The following FARSB variants were observed in gnomAD, a reference collection of about 807,000 sequenced individuals.
FARSB encodes phenylalanine--tRNA ligase beta subunit.
FARSB carries 40 observed loss-of-function variants against 69.6 expected under a neutral mutation model. That is an observed-to-expected ratio of 0.57 (90% confidence interval 0.45 to 0.75). The LOEUF (loss-of-function observed/expected upper bound fraction) is 0.75. Ranked by LOEUF, FARSB falls within the 30% of genes least tolerant of loss-of-function variation. The pLI is 0.00. For missense variants in FARSB, 632 were observed against 722.9 expected (o/e 0.87, Z 1.44); for synonymous variants, 235 against 247.2 (o/e 0.95, Z 0.46).
intron 2 of FARSB, among the ~76,000 whole-genome samples, chr2:222,648,497 T>A (rs1405600437): frequency 6.6e-6 from 1 of 152,190 alleles, no homozygotes; most frequent in African/African-American, 2.4e-5. Context: ...ATTCTATCCA[T>A]TTCCACAGCA....
At chr2:222,574,847 T>A (rs978492087) in intron 16 of FARSB, among the ~76,000 whole-genome samples, 2 of 152,230 alleles carry the variant, frequency 1.3e-5, no homozygotes, top group Non-Finnish European at 2.9e-5. Context: ...GGTACGCACA[T>A]AAAAGCTCCT....
intron 5 of FARSB, among the ~76,000 whole-genome samples, chr2:222,639,284 G>C (rs1182269950): frequency 6.6e-6 from 1 of 152,152 alleles, no homozygotes; most frequent in Non-Finnish European, 1.5e-5. Context: ...AAGTCTCTAG[G>C]ACTAGATAAT....
intron 16 of FARSB, among the ~76,000 whole-genome samples, chr2:222,598,891 T>C (rs1351474889): frequency 6.6e-6 from 1 of 151,610 alleles, no homozygotes; most frequent in African/African-American, 2.4e-5. Flanking sequence ...TTATTTCTCA[T>C]GGAAAGTGGG....
chr2:222,620,611 C>T (rs1215876783), intron 13 of FARSB, among the ~76,000 whole-genome samples: 1 of 152,178 alleles, frequency 6.6e-6, no homozygotes, highest in Non-Finnish European at 1.5e-5. Flanking sequence ...AGAGTAAGCA[C>T]TCAAAAAATA....
chr2:222,603,659 T>C (rs1490759948), intron 15 of FARSB, among the ~76,000 whole-genome samples: 1 of 143,378 alleles, frequency 7.0e-6, no homozygotes, highest in Non-Finnish European at 1.5e-5. Flanking sequence ...AATTATATTA[T>C]TATTAATATA....
intron 16 of FARSB, among the ~76,000 whole-genome samples, chr2:222,580,722 A>T (rs1689945755): frequency 6.6e-6 from 1 of 152,190 alleles, no homozygotes; most frequent in African/African-American, 2.4e-5. Flanking sequence ...AAATGCCCCA[A>T]ATCAACCTAG....
At chr2:222,640,967 A>C in intron 3 of FARSB, 36 bp from the exon 4 acceptor site, 1 of 1,019,228 alleles carries the variant, frequency 9.8e-7, no homozygotes, top group Non-Finnish European at 1.5e-6. Context: ...CTCATAATTA[A>C]TCAAGACATT....
intron 1 of FARSB, among the ~76,000 whole-genome samples, chr2:222,652,200 T>C (rs1014543353): frequency 4.6e-5 from 7 of 152,130 alleles, no homozygotes; most frequent in African/African-American, 1.4e-4. Flanking sequence ...CCACATCTGG[T>C]CCTGATTTAG....
At chr2:222,612,953 A>G (rs894393792) in intron 15 of FARSB, among the ~76,000 whole-genome samples, 1 of 152,372 alleles carries the variant, frequency 6.6e-6, no homozygotes, top group Middle Eastern at 3.4e-3. Context: ...ACACATTCGC[A>G]GTCACTGGTA....
intron 16 of FARSB, among the ~76,000 whole-genome samples, chr2:222,575,117 T>G (rs1689803795): frequency 6.6e-6 from 1 of 152,168 alleles, no homozygotes; most frequent in African/African-American, 2.4e-5. Flanking sequence ...GGCCCTAGAG[T>G]TCAAAGATGA....
rs76757037 is a variant in FARSB at position 222,633,337 on chromosome 2, GT to G, written c.607-31del. On this transcript the variant is annotated intron_variant, in intron 6 of 16. Transcript: ENST00000281828. Reference sequence around the variant, plus strand: ...AAACAAATTAAGTCAAATAAAATTAGTTTTTTTTTTTAATTTCTATCACTAT... The same window carrying G: ...AAACAAATTAAGTCAAATAAAATTAGTTTTTTTTTTAATTTCTATCACTAT... 7,921 of 866,378 alleles carry G rather than the reference GT, an allele frequency of 9.1e-3. 56 individuals are homozygous for G. Among genetic ancestry groups the G allele is most frequent in the African/African-American group, 0.041 (2,320 of 56,474 alleles). The allele number at this position is 866,378 out of a possible 1,614,324, so 53.7% of individuals were successfully genotyped here.
intron 16 of FARSB, among the ~76,000 whole-genome samples, chr2:222,580,323 C>T (rs1689935146): frequency 6.6e-6 from 1 of 151,934 alleles, no homozygotes; most frequent in Non-Finnish European, 1.5e-5. Flanking sequence ...AATAAGGCTT[C>T]TGTAAGCATA....
At chr2:222,649,234 T>TAAAAAAA (rs71961708) in intron 1 of FARSB, among the ~76,000 whole-genome samples, 55 of 88,264 alleles carry the variant, frequency 6.2e-4, no homozygotes, top group South Asian at 8.3e-4. Flanking sequence ...CTCAAAAAAT[T>TAAAAAAA]AAAAAAAAAA....
chr2:222,629,079 C>G (rs79387971), intron 9 of FARSB, among the ~76,000 whole-genome samples, 191 bp from the exon 10 acceptor site: 3,900 of 152,154 alleles, frequency 0.026, 168 homozygotes, highest in African/African-American at 0.089. Context: ...TCTCCTAGGG[C>G]TCCGATGTCC....
intron 16 of FARSB, among the ~76,000 whole-genome samples, chr2:222,587,267 T>C (rs920381730): frequency 6.6e-6 from 1 of 152,180 alleles, no homozygotes; most frequent in Non-Finnish European, 1.5e-5. Context: ...ACTGGGTACC[T>C]AACGAAATGA....
chr2:222,629,641 T>TA (rs1691366729), intron 9 of FARSB, among the ~76,000 whole-genome samples: 2 of 152,250 alleles, frequency 1.3e-5, no homozygotes, highest in Admixed American at 1.3e-4. Context: ...AAGTACTTAA[T>TA]GCTTATGACT....
intron 10 of FARSB, among the ~76,000 whole-genome samples, chr2:222,625,494 C>T (rs1251001812): frequency 6.6e-6 from 1 of 152,188 alleles, no homozygotes. Context: ...AAAATGCGGT[C>T]CTCAGAGCAG....
At chr2:222,588,659 A>G (rs1232357326) in intron 16 of FARSB, among the ~76,000 whole-genome samples, 2 of 152,228 alleles carry the variant, frequency 1.3e-5, no homozygotes, top group African/African-American at 4.8e-5. Flanking sequence ...AACTTCAGCA[A>G]AGTCTCAGGA....
At chr2:222,637,223 C>T (rs1691604245) in intron 5 of FARSB, among the ~76,000 whole-genome samples, 1 of 152,008 alleles carries the variant, frequency 6.6e-6, no homozygotes, top group African/African-American at 2.4e-5. Context: ...TAACAGCAGG[C>T]AATAAAGGGC....
Sources: gnomAD v4.1 joint callset for allele counts (sites outside exome capture counted in the v4.1 genomes callset) on GRCh38, gnomAD v4.1.1 for gene constraint, MANE v1.5 for transcripts, NCBI Gene and HGNC (gene_info 2026-07-23, HGNC 2026-07-21) for gene names.